Variants in CLINT1 observed in about 807,000 individuals in gnomAD.
The protein encoded by CLINT1 is clathrin interactor 1, also known as clathrin interacting protein localized in the trans-Golgi region.
A neutral mutation model predicts 70.4 loss-of-function variants in CLINT1; 15 were observed. The observed-to-expected ratio is 0.21, with a 90% CI of 0.14 to 0.33. CLINT1 has a LOEUF of 0.33. CLINT1 is among the 10% of genes least tolerant of loss of function. The pLI, the probability that CLINT1 is intolerant of heterozygous loss-of-function variation, is 1.00. For missense variants in CLINT1, 615 were observed against 778.1 expected (o/e 0.79, Z 2.49); for synonymous variants, 227 against 254.7 (o/e 0.89, Z 1.04).
At chr5:157,832,231 C>T (rs1005061082) in intron 1 of CLINT1, among the ~76,000 whole-genome samples, 1 of 152,180 alleles carries the variant, frequency 6.6e-6, no homozygotes, top group African/African-American at 2.4e-5. Context: ...CATCTGCCCC[C>T]CTCAGCCTCC....
intron 1 of CLINT1, among the ~76,000 whole-genome samples, chr5:157,840,192 CAAAAA>C (rs57245921): frequency 3.6e-5 from 2 of 55,330 alleles, no homozygotes; most frequent in South Asian, 7.7e-4. Context: ...GAGACTGCCT[CAAAAA>C]AAAAAAAAAA....
intron 8 of CLINT1, among the ~76,000 whole-genome samples, chr5:157,800,083 A>T (rs1762167025): frequency 6.6e-6 from 1 of 152,192 alleles, no homozygotes; most frequent in African/African-American, 2.4e-5. Flanking sequence ...GTTTTAAAAG[A>T]ATATCACCAC....
At chr5:157,812,341 T>C (rs936559984) in intron 5 of CLINT1, among the ~76,000 whole-genome samples, 2 of 152,122 alleles carry the variant, frequency 1.3e-5, no homozygotes, top group Admixed American at 6.5e-5. Flanking sequence ...GAGCAAGAGA[T>C]TGTCAGAGCT....
At chr5:157,854,593 T>C (rs990179399) in intron 1 of CLINT1, among the ~76,000 whole-genome samples, 22 of 152,220 alleles carry the variant, frequency 1.4e-4, no homozygotes, top group Non-Finnish European at 7.3e-5. Flanking sequence ...ATGTATTGCC[T>C]GTTAAAATAA....
At chr5:157,812,848 A>G (rs1186290508) in intron 5 of CLINT1, among the ~76,000 whole-genome samples, 1 of 152,216 alleles carries the variant, frequency 6.6e-6, no homozygotes, top group Non-Finnish European at 1.5e-5. Flanking sequence ...TTAATTAGCC[A>G]TTAATGGTTA....
chr5:157,789,672 A>G lies in CLINT1; in HGVS notation c.1381-159T>C, dbSNP rs1343942469. 3.3e-6 allele frequency: 3 copies of G among 897,322 alleles called. No homozygotes were observed. In the East Asian group the frequency reaches 7.8e-5, roughly 23 times the overall value. The allele number at this position is 897,322 out of a possible 1,614,324, so 55.6% of individuals were successfully genotyped here. A position where few individuals can be genotyped will look rare whatever the true frequency, so the allele number is the denominator to read the frequency against. On this transcript the variant is annotated intron_variant, in intron 10 of 11. Transcript: ENST00000411809. ...AACTTCTGAAACAAAAAGAACCACT[A>G]ATGTTCTATGCTAATGTCTTCAATA... is the stretch of plus-strand genomic sequence containing the variant.
chr5:157,792,438 C>T (rs958220798), intron 9 of CLINT1, among the ~76,000 whole-genome samples: 5 of 152,148 alleles, frequency 3.3e-5, no homozygotes, highest in African/African-American at 4.8e-5. Flanking sequence ...GTCCCAGCTA[C>T]TTGGGAGGCT....
chr5:157,853,777 C>CAAAAAAA lies in CLINT1; in HGVS notation c.41+5146_41+5152dup, dbSNP rs11316474. Among the ~76,000 whole-genome samples the CAAAAAAA allele has an allele frequency of 4.0e-3, 192 of 48,016 alleles. 1 individual carries two copies. Among genetic ancestry groups the CAAAAAAA allele is most frequent in the Non-Finnish European group, 4.3e-3 (113 of 26,102 alleles). 31.5% of individuals were successfully genotyped at this position (48,016 alleles called of 152,430 possible). A position where few individuals can be genotyped will look rare whatever the true frequency, so the allele number is the denominator to read the frequency against. On this transcript the variant is annotated intron_variant, in intron 1 of 11. Coordinates refer to ENST00000411809, the MANE Select transcript of CLINT1 (RefSeq NM_014666.4). ...GGGCAACGAGAGCGAGACACCATCT[C>CAAAAAAA]AAAAAAAAAAAAAAAAAAAAAAAAA...
At chr5:157,854,907 G>A (rs1021626788) in intron 1 of CLINT1, among the ~76,000 whole-genome samples, 13 of 152,124 alleles carry the variant, frequency 8.5e-5, no homozygotes, top group Non-Finnish European at 2.9e-5. Flanking sequence ...ACTTTGGGAG[G>A]CCGAGGTGGG....
intron 8 of CLINT1, 41 bp downstream of exon 8, chr5:157,803,609 T>C (rs1465191184): frequency 2.2e-6 from 3 of 1,347,918 alleles, no homozygotes; most frequent in Non-Finnish European, 2.9e-6. Context: ...TTTTAAAAAA[T>C]GACTCTCAAA....
chr5:157,792,039 C>G, intron 9 of CLINT1, 44 bp from the exon 10 acceptor site: 1 of 1,532,660 alleles, frequency 6.5e-7, no homozygotes. Context: ...TCATGGAATG[C>G]ACAGAACAAA....
At position 157,813,219 on chromosome 5, in the gene CLINT1, C is replaced by T. The variant is rs781224262; in HGVS notation, c.361G>A (p.Gly121Ser). 1.2e-6 allele frequency: 2 copies of T among 1,612,402 alleles called. No homozygotes were observed. Among genetic ancestry groups the T allele is most frequent in the South Asian group, 2.2e-5 (2 of 91,026 alleles). Residue 121 changes from glycine to serine, a missense_variant, in exon 5 of 12, where the codon GGT becomes AGT. Physicochemically the swap from Gly to Ser is moderately conservative, Grantham distance 56. Transcript: ENST00000411809. ...CGAATATTTATACCTTGATCCTTAC[C>T]ATGCTCATCTATGAGGATGGTAAGA... ...LENYHFVDEH[G>S]KDQGINIRQK...
rs1316767236 is a variant in CLINT1 at position 157,787,413 on chromosome 5, G to A, written c.*233C>T. The A allele has an allele frequency of 1.8e-6, 1 of 559,646 alleles. No individual in the cohort carries two copies. The highest frequency in any genetic ancestry group is 3.2e-6 in the Non-Finnish European group (1 of 315,290). The allele number at this position is 559,646 out of a possible 1,614,324, so 34.7% of individuals were successfully genotyped here. On this transcript the variant is annotated 3_prime_UTR_variant, in exon 12 of 12. Coordinates refer to ENST00000411809, the MANE Select transcript of CLINT1 (RefSeq NM_014666.4). ...TTCAATGGTCTCACCACCCACTTGT[G>A]GTCTATCCTCACTGGAAAAAAATGA...
intron 6 of CLINT1, among the ~76,000 whole-genome samples, chr5:157,807,730 A>T (rs1159134761): frequency 6.6e-6 from 1 of 152,162 alleles, no homozygotes. Flanking sequence ...CAACATAAAA[A>T]ATAAAAATCA....
At chr5:157,840,927 A>C (rs1396728264) in intron 1 of CLINT1, among the ~76,000 whole-genome samples, 1 of 152,102 alleles carries the variant, frequency 6.6e-6, no homozygotes, top group Admixed American at 6.6e-5. Context: ...ATATGCCTCA[A>C]TAAGTAACAT....
At chr5:157,837,768 C>G (rs568410870) in intron 1 of CLINT1, among the ~76,000 whole-genome samples, 1 of 151,720 alleles carries the variant, frequency 6.6e-6, no homozygotes, top group Non-Finnish European at 1.5e-5. Context: ...CTCAGCCTCC[C>G]GAGTAGCTGG....
chr5:157,811,569 A>G (rs1033051628), intron 5 of CLINT1, among the ~76,000 whole-genome samples: 2 of 151,902 alleles, frequency 1.3e-5, no homozygotes, highest in African/African-American at 2.4e-5. Context: ...AAAACACAAA[A>G]CTGCTAAGAG....
rs371657344 is a variant in CLINT1 at position 157,832,585 on chromosome 5, TATCTTCTTTTCATTC to T, written c.42-15053_42-15039del. Among the ~76,000 whole-genome samples the T allele has an allele frequency of 3.1e-3, 473 of 152,324 alleles. 4 individuals carry two copies. The highest frequency in any genetic ancestry group is 0.011 in the African/African-American group (445 of 41,574). On this transcript the variant is annotated intron_variant, in intron 1 of 11. Transcript: ENST00000411809. ...TTTAACTATCTCTCCACTTCTGAGG[TATCTTCTTTTCATTC>T]ATCTTCTACATGACCACATTAATCT...
chr5:157,807,454 G>A (rs1359340757), intron 6 of CLINT1, among the ~76,000 whole-genome samples: 3 of 152,002 alleles, frequency 2.0e-5, no homozygotes, highest in Admixed American at 1.3e-4. Context: ...ACGATGAAAT[G>A]GAAGCTCCAT....
Sources: allele counts gnomAD v4.1 joint callset (sites outside exome capture counted in the v4.1 genomes callset), GRCh38; gene constraint gnomAD v4.1.1; transcripts MANE v1.5; gene names NCBI Gene and HGNC (gene_info 2026-07-23, HGNC 2026-07-21).